Variants in CERS6 observed in about 807,000 individuals in gnomAD.
The protein encoded by CERS6 is ceramide synthase 6.
In CERS6, 26 loss-of-function variants were observed where a neutral mutation model predicts 56.8. That is an observed-to-expected ratio of 0.46 (90% CI 0.34 to 0.63). CERS6 has a LOEUF of 0.63. Among genes scored for constraint, CERS6 ranks in the 30% least tolerant of loss-of-function variants. The pLI is 0.01. For synonymous variants in CERS6, 164 were observed against 173.3 expected, an observed-to-expected ratio of 0.95 and a Z score of 0.42; for missense variants, 415 against 467.5, an observed-to-expected ratio of 0.89 and a Z score of 1.04.
rs1248158442 is a variant in CERS6, at chr2:168,637,135, A to G, written c.465+6093A>G. Among the ~76,000 whole-genome samples, 4 of 152,244 alleles carry G rather than the reference A, an allele frequency of 2.6e-5. No homozygotes were observed. In the East Asian group the frequency reaches 7.7e-4, roughly 29 times the overall value. Reference sequence around the variant, plus strand: ...GCACAGTAATGCAGAATAATCTTAAATATCTTCTTATATTTTGACCTGGCA... The same window carrying G: ...GCACAGTAATGCAGAATAATCTTAAGTATCTTCTTATATTTTGACCTGGCA... On this transcript the variant is annotated intron_variant, in intron 4 of 9. Transcript: ENST00000305747.
At chr2:168,484,019 C>A (rs1450504411) in intron 1 of CERS6, among the ~76,000 whole-genome samples, 2 of 152,000 alleles carry the variant, frequency 1.3e-5, no homozygotes, top group Non-Finnish European at 2.9e-5. Context: ...TCTGTGTATT[C>A]AAAATATTGT....
chr2:168,573,729 C>T (rs1361695134), intron 3 of CERS6, among the ~76,000 whole-genome samples: 7 of 152,054 alleles, frequency 4.6e-5, no homozygotes, highest in African/African-American at 1.7e-4. Context: ...TCTCTCAGTT[C>T]TCCTTTCCTT....
rs145561451 is a variant in CERS6 at position 168,616,573 on chromosome 2, G to T, written c.408-14412G>T. Among the ~76,000 whole-genome samples, 765 of 152,268 alleles carry T rather than the reference G, an allele frequency of 5.0e-3. 8 individuals are homozygous for T. Among genetic ancestry groups the T allele is most frequent in the African/African-American group, 0.017 (716 of 41,568 alleles). ...CCATGCAAATGGACACCAAAAGCGA[G>T]CAGGAGTAGCTATTCTTATATTAGA... On this transcript the variant is annotated intron_variant, in intron 3 of 9. Transcript: ENST00000305747.
intron 3 of CERS6, among the ~76,000 whole-genome samples, chr2:168,587,970 A>G (rs534645982): frequency 1.3e-5 from 2 of 152,060 alleles, no homozygotes; most frequent in Non-Finnish European, 2.9e-5. Flanking sequence ...CTTGTTGTCC[A>G]GGCTGGAATG....
chr2:168,627,616 T>A (rs544903099), intron 3 of CERS6, among the ~76,000 whole-genome samples: 6 of 124,756 alleles, frequency 4.8e-5, no homozygotes, highest in African/African-American at 1.8e-4. Context: ...GTTGTTTTTA[T>A]GCTTGAACAC....
At chr2:168,547,766 A>C (rs1033919082) in intron 2 of CERS6, 65 bp downstream of exon 2, 5 of 1,132,828 alleles carry the variant, frequency 4.4e-6, no homozygotes. Flanking sequence ...GCTGTCATTC[A>C]ATTTGTCCCC....
intron 1 of CERS6, among the ~76,000 whole-genome samples, chr2:168,500,147 A>G (rs988628227): frequency 6.6e-6 from 1 of 152,196 alleles, no homozygotes; most frequent in South Asian, 2.1e-4. Flanking sequence ...CGCTTCTCTC[A>G]CAAGCTTTCC....
intron 3 of CERS6, among the ~76,000 whole-genome samples, chr2:168,611,815 AAC>A (rs762773456): frequency 5.3e-5 from 8 of 152,226 alleles, no homozygotes; most frequent in Non-Finnish European, 1.2e-4. Flanking sequence ...ACAAAAAAGC[AAC>A]ACAGAGTCTC....
At position 168,518,311 on chromosome 2, in the gene CERS6, C is replaced by T. The variant is rs549969745; in HGVS notation, c.171-29285C>T. 2.0e-5 allele frequency among the ~76,000 whole-genome samples: 3 copies of T among 152,278 alleles called. No individual in the cohort carries two copies. The East Asian group carries it at 5.8e-4, about 29-fold the overall frequency. On this transcript the variant is annotated intron_variant, in intron 1 of 9. Coordinates refer to ENST00000305747, the MANE Select transcript of CERS6 (RefSeq NM_203463.3). Reference sequence around the variant, plus strand: ...TTTTTTATTCCTCTCTTAACAGTAGCATAGGCTCAGTGTCTTCTGAAATTG... The same window carrying T: ...TTTTTTATTCCTCTCTTAACAGTAGTATAGGCTCAGTGTCTTCTGAAATTG...
At chr2:168,686,012 A>G (rs1686340266) in intron 4 of CERS6, among the ~76,000 whole-genome samples, 1 of 149,300 alleles carries the variant, frequency 6.7e-6, no homozygotes, top group South Asian at 2.2e-4. Context: ...AATAGCTAAT[A>G]AGCACCATTT....
At chr2:168,461,995 T>G (rs150326802) in intron 1 of CERS6, among the ~76,000 whole-genome samples, 5 of 152,234 alleles carry the variant, frequency 3.3e-5, no homozygotes, top group Admixed American at 6.5e-5. Flanking sequence ...CAGACATTGC[T>G]GCACCATCCT....
In CERS6 at chr2:168,695,038, A is replaced by G; in HGVS notation, c.596A>G (p.Asp199Gly). Residue 199 changes from aspartate (D) to glycine (G), a missense_variant, in exon 6 of 10, where the codon GAT becomes GGT. Asp to Gly is a moderately conservative substitution (Grantham distance 94). Transcript: ENST00000305747. Reference protein sequence around the residue: ...YWSLMFSQFTDIKRKDFGIMF... With the variant: ...YWSLMFSQFTGIKRKDFGIMF... ...TCTTTGATGTTTTCTCAGTTCACTG[A>G]TATCAAAAGAAAGGTAAGAGCGGTT... 3 of 1,612,616 alleles carry G rather than the reference A, an allele frequency of 1.9e-6. No homozygotes were observed. The South Asian group carries it at 3.3e-5, about 18-fold the overall frequency.
chr2:168,664,284 C>A (rs1191826550), intron 4 of CERS6, among the ~76,000 whole-genome samples: 1 of 152,150 alleles, frequency 6.6e-6, no homozygotes, highest in Non-Finnish European at 1.5e-5. Flanking sequence ...TTATCTCTTC[C>A]TGCACCTTCC....
chr2:168,517,511 A>AATTAATT (rs1553486935), intron 1 of CERS6, among the ~76,000 whole-genome samples: 54 of 144,728 alleles, frequency 3.7e-4, no homozygotes, highest in East Asian at 3.4e-3. Context: ...ATAAATAAAT[A>AATTAATT]AATAAATAAA....
At chr2:168,544,210 C>G (rs1695421748) in intron 1 of CERS6, among the ~76,000 whole-genome samples, 2 of 152,182 alleles carry the variant, frequency 1.3e-5, no homozygotes, top group Non-Finnish European at 2.9e-5. Flanking sequence ...TTCTCTCTCT[C>G]TCTCTCACTG....
In CERS6 at chr2:168,589,943, G is replaced by A. The variant is rs552426906; in HGVS notation, c.407+28621G>A. Among the ~76,000 whole-genome samples, 6 of 152,174 alleles carry A rather than the reference G, an allele frequency of 3.9e-5. No homozygotes were observed. In the East Asian group the frequency reaches 1.2e-3, roughly 29 times the overall value. ...TGAACTTTTTTTATGTTTGAGCCTC[G>A]ACTGAAAAGCTGACTCACACAGACC... On this transcript the variant is annotated intron_variant, in intron 3 of 9. Transcript: ENST00000305747.
chr2:168,714,240 C>T lies in CERS6; in HGVS notation c.610-761C>T, dbSNP rs545463209. 9.2e-5 allele frequency among the ~76,000 whole-genome samples: 14 copies of T among 152,324 alleles called. No individual in the cohort carries two copies. In the South Asian group the frequency reaches 1.7e-3, roughly 18 times the overall value. ...ATACCCCACCTCCTAATATTATCGC[C>T]TTGAGCATTAAGATTTTAACATGAA... On this transcript the variant is annotated intron_variant, in intron 6 of 9. Coordinates refer to ENST00000305747, the MANE Select transcript of CERS6 (RefSeq NM_203463.3).
intron 1 of CERS6, among the ~76,000 whole-genome samples, chr2:168,526,333 T>C (rs986267954): frequency 6.6e-6 from 1 of 152,204 alleles, no homozygotes; most frequent in Non-Finnish European, 1.5e-5. Context: ...CATTGCTGTT[T>C]AGGTTTTCTG....
chr2:168,694,794 A>C (rs1686600165), intron 5 of CERS6, among the ~76,000 whole-genome samples, 165 bp from the exon 6 acceptor site: 1 of 152,156 alleles, frequency 6.6e-6, no homozygotes. Flanking sequence ...CTGTGGATTA[A>C]AGTTATCCTC....
Sources: gnomAD v4.1 joint callset for allele counts (sites outside exome capture counted in the v4.1 genomes callset) on GRCh38, gnomAD v4.1.1 for gene constraint, MANE v1.5 for transcripts, NCBI Gene and HGNC (gene_info 2026-07-23, HGNC 2026-07-21) for gene names.